Variants in IGF1 observed in about 807,000 individuals in gnomAD.
IGF1 encodes insulin like growth factor 1.
Under a neutral mutation model 13.8 loss-of-function variants are expected in IGF1, and 4 were observed. That is an observed-to-expected ratio of 0.29 (90% confidence interval 0.14 to 0.66). The LOEUF is 0.66. Ranked by LOEUF, IGF1 falls within the 30% of genes least tolerant of loss-of-function variation. The pLI is 0.78. For missense variants in IGF1, 124 were observed against 188.5 expected (o/e 0.66, Z 2.00); for synonymous variants, 76 against 72.6 (o/e 1.05, Z -0.23).
chr12:102,423,395 G>C (rs1174484644), intron 2 of IGF1, among the ~76,000 whole-genome samples: 2 of 151,650 alleles, frequency 1.3e-5, no homozygotes, highest in African/African-American at 2.4e-5. Context: ...AGAATGAATA[G>C]GCATGTATAA....
At chr12:102,471,286 C>T (rs1880669343) in intron 2 of IGF1, among the ~76,000 whole-genome samples, 1 of 152,134 alleles carries the variant, frequency 6.6e-6, no homozygotes, top group East Asian at 1.9e-4. Context: ...ACAACCTAGA[C>T]TATGAGTCTG....
intron 3 of IGF1, among the ~76,000 whole-genome samples, chr12:102,404,565 T>C (rs894500434): frequency 6.6e-6 from 1 of 152,028 alleles, no homozygotes; most frequent in Admixed American, 6.6e-5. Context: ...CTAAAATAGC[T>C]CAGTGACCAC....
rs1367705010 is a variant in IGF1 at position 102,400,115 on chromosome 12, C to G, written c.*2392G>C. Reference sequence around the variant, plus strand: ...ATGGGGCCTTCTTTTTGCATATATTCAGAGATCCAGGGAGTCTTTTTTTTT... The same window carrying G: ...ATGGGGCCTTCTTTTTGCATATATTGAGAGATCCAGGGAGTCTTTTTTTTT... On this transcript the variant is annotated 3_prime_UTR_variant, in exon 4 of 4. Transcript: ENST00000337514. 7.1e-6 allele frequency: 1 copy of G among 140,208 alleles called. No individual in the cohort carries two copies. The highest frequency in any genetic ancestry group is 2.1e-4 in the East Asian group (1 of 4,742). 8.7% of individuals were successfully genotyped at this position (140,208 alleles called of 1,614,324 possible).
At chr12:102,466,686 G>A (rs1393336431) in intron 2 of IGF1, among the ~76,000 whole-genome samples, 2 of 152,146 alleles carry the variant, frequency 1.3e-5, no homozygotes, top group Non-Finnish European at 2.9e-5. Flanking sequence ...CAGATCACTT[G>A]AGCCCAGGAA....
intron 3 of IGF1, among the ~76,000 whole-genome samples, chr12:102,403,623 ATTTTTTTTTTTTTTTTT>A (rs142169670): frequency 2.5e-5 from 2 of 80,586 alleles, no homozygotes; most frequent in African/African-American, 1.0e-4. Flanking sequence ...TGCCTTGACA[ATTTTTTTTTTTTTTTTT>A]TTTTTTTTTT....
At chr12:102,451,657 A>G (rs2137150708) in intron 2 of IGF1, among the ~76,000 whole-genome samples, 1 of 152,340 alleles carries the variant, frequency 6.6e-6, no homozygotes, top group Admixed American at 6.5e-5. Flanking sequence ...TCCAGTGCAC[A>G]GGGATCTCTC....
At chr12:102,478,606 G>C in intron 1 of IGF1, 1 of 1,545,448 alleles carries the variant, frequency 6.5e-7, no homozygotes, top group South Asian at 1.2e-5. Flanking sequence ...TGTGGGTGGG[G>C]TTTGTGAAAG....
chr12:102,401,314 C>A lies in IGF1; in HGVS notation c.*1193G>T, dbSNP rs1027467638. Reference sequence around the variant, plus strand: ...TGACACAGCTGGCAGATGTTCATTTCTTCCATGAGAAAAAGAAACCAGGAC... The same window carrying A: ...TGACACAGCTGGCAGATGTTCATTTATTCCATGAGAAAAAGAAACCAGGAC... On this transcript the variant is annotated 3_prime_UTR_variant, in exon 4 of 4. Transcript: ENST00000337514. The A allele has an allele frequency of 7.9e-5, 12 of 152,506 alleles. No individual in the cohort carries two copies. Among genetic ancestry groups the A allele is most frequent in the Non-Finnish European group, 1.3e-4 (9 of 68,180 alleles). The allele number at this position is 152,506 out of a possible 1,614,324, so 9.4% of individuals were successfully genotyped here.
At chr12:102,420,512 T>A (rs571711841) in intron 2 of IGF1, among the ~76,000 whole-genome samples, 3 of 152,272 alleles carry the variant, frequency 2.0e-5, no homozygotes, top group Non-Finnish European at 4.4e-5. Context: ...TTTCTGCGAG[T>A]ACCGTTTCCA....
intron 2 of IGF1, among the ~76,000 whole-genome samples, chr12:102,472,893 AT>A (rs1399004645): frequency 1.3e-5 from 2 of 151,222 alleles, no homozygotes; most frequent in East Asian, 1.9e-4. Context: ...TCAAAAAAAA[AT>A]AAAAGCAGTT....
rs1566012960 is a variant in IGF1, at chr12:102,480,371, A to T, written c.11T>A (p.Ile4Asn). The change falls in exon 1 of 4, where the codon ATC (isoleucine) becomes AAC (asparagine). Residue 4 changes from isoleucine (I) to asparagine (N), a missense_variant. Around this residue, in one of 2 missense-constraint regions of IGF1, gnomAD observed 99 missense variants for 171.4 expected, o/e 0.58. Transcript: ENST00000337514. The stretch of plus-strand genomic sequence containing the variant: ...AAATAATTGGGTTGGAAGACTGCTG[A>T]TTTTTCCCATTGCTTCTGAAGTACA... MGK[I>N]SSLPTQLFKC... 1.2e-6 allele frequency: 2 copies of T among 1,613,680 alleles called. No individual in the cohort carries two copies. Among genetic ancestry groups the T allele is most frequent in the Admixed American group, 3.3e-5 (2 of 60,018 alleles).
At chr12:102,412,176 C>T (rs540513693) in intron 3 of IGF1, among the ~76,000 whole-genome samples, 2 of 152,242 alleles carry the variant, frequency 1.3e-5, no homozygotes, top group South Asian at 4.1e-4. Flanking sequence ...CCAATAATGT[C>T]CTCTCTATTT....
At chr12:102,471,090 T>G (rs761631113) in intron 2 of IGF1, among the ~76,000 whole-genome samples, 31 of 152,080 alleles carry the variant, frequency 2.0e-4, no homozygotes, top group Non-Finnish European at 4.4e-4. Context: ...CCCCGAGGGG[T>G]TGAAATCCAG....
At chr12:102,468,247 G>A (rs1325582235) in intron 2 of IGF1, among the ~76,000 whole-genome samples, 1 of 152,186 alleles carries the variant, frequency 6.6e-6, no homozygotes, top group Non-Finnish European at 1.5e-5. Flanking sequence ...TCTGCTGGTT[G>A]CACAATTTCT....
chr12:102,479,537 C>A (rs1027214167), intron 1 of IGF1, among the ~76,000 whole-genome samples: 1 of 152,202 alleles, frequency 6.6e-6, no homozygotes, highest in South Asian at 2.1e-4. Flanking sequence ...GACTTCACGA[C>A]ACTGAATATA....
At chr12:102,442,680 G>A (rs1877970075) in intron 2 of IGF1, among the ~76,000 whole-genome samples, 1 of 152,080 alleles carries the variant, frequency 6.6e-6, no homozygotes, top group African/African-American at 2.4e-5. Flanking sequence ...GGCAAGTGAG[G>A]ATAAAGACAT....
At chr12:102,439,645 G>A (rs1199776405) in intron 2 of IGF1, among the ~76,000 whole-genome samples, 2 of 151,118 alleles carry the variant, frequency 1.3e-5, no homozygotes, top group African/African-American at 2.4e-5. Context: ...TTTAATTAGA[G>A]TGGGAACTCA....
At chr12:102,465,273 C>A (rs1880217897) in intron 2 of IGF1, among the ~76,000 whole-genome samples, 1 of 152,224 alleles carries the variant, frequency 6.6e-6, no homozygotes, top group African/African-American at 2.4e-5. Context: ...CAAAAAGCAT[C>A]CAATTCAGTT....
At chr12:102,439,788 G>C (rs1169328373) in intron 2 of IGF1, among the ~76,000 whole-genome samples, 2 of 151,270 alleles carry the variant, frequency 1.3e-5, no homozygotes, top group Non-Finnish European at 2.9e-5. Flanking sequence ...AAAAGGCTAA[G>C]AAGTGACTTA....
Sources: allele counts gnomAD v4.1 joint callset (sites outside exome capture counted in the v4.1 genomes callset), GRCh38; gene constraint gnomAD v4.1.1; regional missense constraint gnomAD v4.1.1; transcripts MANE v1.5; gene names NCBI Gene and HGNC (gene_info 2026-07-23, HGNC 2026-07-21).